HPSE2: variants seen among roughly 807,000 people sequenced by gnomAD.
HPSE2 encodes heparanase 2 (inactive), also known as inactive heparanase-2.
Under a neutral mutation model 60.5 loss-of-function variants are expected in HPSE2, and 38 were observed. The observed-to-expected ratio is 0.63, with a 90% CI of 0.48 to 0.82. HPSE2 has a LOEUF of 0.82. HPSE2 is among the 40% of genes least tolerant of loss of function. The pLI, the probability that HPSE2 is intolerant of heterozygous loss-of-function variation, is 0.00. For missense variants in HPSE2, 713 were observed against 740.4 expected (o/e 0.96, Z 0.43); for synonymous variants, 295 against 293.2 (o/e 1.01, Z -0.06).
intron 3 of HPSE2, among the ~76,000 whole-genome samples, chr10:98,753,722 G>C (rs1221414167): frequency 6.6e-6 from 1 of 152,170 alleles, no homozygotes; most frequent in East Asian, 1.9e-4. Context: ...CCCAGGGTTA[G>C]AGCATGCAGC....
chr10:98,657,254 G>C (rs933465515), intron 6 of HPSE2, among the ~76,000 whole-genome samples: 2 of 147,568 alleles, frequency 1.4e-5, no homozygotes, highest in African/African-American at 4.9e-5. Flanking sequence ...TATATACTTA[G>C]CCCTTATTTA....
chr10:98,816,839 G>A (rs923270396), intron 3 of HPSE2, among the ~76,000 whole-genome samples: 2 of 152,050 alleles, frequency 1.3e-5, no homozygotes, highest in African/African-American at 4.8e-5. Flanking sequence ...CCAAGTAAAT[G>A]CTATTTCCTT....
the HPSE2 span, among the ~76,000 whole-genome samples, chr10:99,277,067 G>A: frequency 6.6e-6 from 1 of 152,084 alleles, no homozygotes; most frequent in African/African-American, 2.4e-5. Flanking sequence ...GCCATCTTGT[G>A]GGTTTTTATC....
chr10:98,807,137 C>G (rs530183080), intron 3 of HPSE2, among the ~76,000 whole-genome samples: 1 of 152,026 alleles, frequency 6.6e-6, no homozygotes, highest in Non-Finnish European at 1.5e-5. Context: ...AGCGAGACTC[C>G]GTCTCAAAAA....
intron 3 of HPSE2, among the ~76,000 whole-genome samples, chr10:98,940,507 C>A (rs1206436827): frequency 6.9e-6 from 1 of 144,100 alleles, no homozygotes. Context: ...TTCCTCCACA[C>A]ATACACCCTC....
chr10:98,715,844 G>A (rs776910907), intron 5 of HPSE2, among the ~76,000 whole-genome samples: 9 of 151,974 alleles, frequency 5.9e-5, no homozygotes, highest in Non-Finnish European at 1.3e-4. Context: ...GTGATTACTA[G>A]AAGGCTGGGA....
intron 3 of HPSE2, among the ~76,000 whole-genome samples, chr10:99,084,668 CT>C (rs1037413985): frequency 3.3e-4 from 50 of 152,120 alleles, no homozygotes; most frequent in African/African-American, 1.2e-3. Context: ...AGGCACAAAA[CT>C]CTAAAAGGCA....
intron 3 of HPSE2, among the ~76,000 whole-genome samples, chr10:99,081,478 G>T (rs115675965): frequency 0.016 from 2,444 of 152,034 alleles, 65 homozygotes; most frequent in African/African-American, 0.056. Context: ...ATGTGCTAAA[G>T]ATTAAAAATA....
chr10:98,670,854 A>G (rs914458894), intron 6 of HPSE2, among the ~76,000 whole-genome samples: 4 of 152,180 alleles, frequency 2.6e-5, no homozygotes, highest in African/African-American at 7.2e-5. Flanking sequence ...TAGTGTTGTG[A>G]GCCCTTAAAA....
intron 7 of HPSE2, among the ~76,000 whole-genome samples, chr10:98,624,271 G>GGTCA (rs1946149215): frequency 6.6e-6 from 1 of 152,148 alleles, no homozygotes; most frequent in Non-Finnish European, 1.5e-5. Flanking sequence ...AAGAGGGTAA[G>GGTCA]GTCAGTACTT....
intron 3 of HPSE2, among the ~76,000 whole-genome samples, chr10:99,107,308 G>C (rs1209126599): frequency 1.3e-5 from 2 of 152,092 alleles, no homozygotes; most frequent in Admixed American, 6.6e-5. Flanking sequence ...CTTTCCTTTA[G>C]TTATGAAAGA....
At chr10:98,700,162 C>G (rs1360613027) in intron 5 of HPSE2, among the ~76,000 whole-genome samples, 1 of 151,758 alleles carries the variant, frequency 6.6e-6, no homozygotes, top group Non-Finnish European at 1.5e-5. Context: ...TCATATGGAA[C>G]CAAAAAAGAG....
intron 7 of HPSE2, among the ~76,000 whole-genome samples, chr10:98,622,760 T>C (rs1946106888): frequency 6.6e-6 from 1 of 152,076 alleles, no homozygotes; most frequent in Non-Finnish European, 1.5e-5. Context: ...AAAGATTAAG[T>C]AAAAATTCAC....
chr10:99,002,566 A>G (rs74663457), intron 3 of HPSE2, among the ~76,000 whole-genome samples: 12,767 of 152,094 alleles, frequency 0.084, 654 homozygotes, highest in South Asian at 0.18. Flanking sequence ...TACCTGACCA[A>G]TATTCCTCAA....
chr10:99,005,256 T>A (rs963985650), intron 3 of HPSE2, among the ~76,000 whole-genome samples: 3 of 61,406 alleles, frequency 4.9e-5, no homozygotes, highest in Non-Finnish European at 1.2e-4. Context: ...TTACCCCATT[T>A]GTCTTTCTCT....
At chr10:99,077,786 A>G (rs1482728899) in intron 3 of HPSE2, among the ~76,000 whole-genome samples, 1 of 152,026 alleles carries the variant, frequency 6.6e-6, no homozygotes, top group African/African-American at 2.4e-5. Flanking sequence ...CTTTGTTAAT[A>G]CATTGTTCTC....
At chr10:99,014,131 C>T (rs371791050) in intron 3 of HPSE2, among the ~76,000 whole-genome samples, 13 of 152,342 alleles carry the variant, frequency 8.5e-5, no homozygotes, top group African/African-American at 1.2e-4. Flanking sequence ...CCCTGCCACA[C>T]GCGAGTCCCT....
At chr10:99,275,055 T>G in the HPSE2 span, among the ~76,000 whole-genome samples, 55 of 152,324 alleles carry the variant, frequency 3.6e-4, 1 homozygote, top group East Asian at 9.4e-3. Context: ...GATGTAGAAA[T>G]TTGGGCTCCT....
At chr10:98,541,216 A>G (rs1368357758) in intron 9 of HPSE2, among the ~76,000 whole-genome samples, 2 of 152,230 alleles carry the variant, frequency 1.3e-5, no homozygotes, top group Admixed American at 6.5e-5. Context: ...TAAATTTTTA[A>G]AAGGCGATCT....
Sources: allele counts gnomAD v4.1 joint callset (sites outside exome capture counted in the v4.1 genomes callset), GRCh38; gene constraint gnomAD v4.1.1; transcripts MANE v1.5; gene names NCBI Gene and HGNC (gene_info 2026-07-23, HGNC 2026-07-21).